TRPM3: variants seen among roughly 807,000 people sequenced by gnomAD.
TRPM3 encodes the protein transient receptor potential cation channel subfamily M member 3, also known as long transient receptor potential channel 3.
Under a neutral mutation model 181.2 loss-of-function variants are expected in TRPM3, and 77 were observed. The ratio of observed to expected loss-of-function variants is 0.42; its 90% CI spans 0.35 to 0.51. The LOEUF (loss-of-function observed/expected upper bound fraction) is 0.51. TRPM3 is among the 20% of genes least tolerant of loss of function. The pLI, the probability that TRPM3 is intolerant of heterozygous loss-of-function variation, is 0.01. For missense variants in TRPM3, 1,759 were observed against 2,196.7 expected (o/e 0.80, Z 3.98); for synonymous variants, 745 against 796.4 (o/e 0.94, Z 1.09).
chr9:71,134,550 CAAAA>C (rs71352343), intron 1 of TRPM3, among the ~76,000 whole-genome samples: 1 of 120,812 alleles, frequency 8.3e-6, no homozygotes. Flanking sequence ...TGCTCCATCT[CAAAA>C]AAAAAAAAAA....
intron 1 of TRPM3, among the ~76,000 whole-genome samples, chr9:71,385,819 A>G (rs1588775454): frequency 2.0e-5 from 3 of 152,034 alleles, no homozygotes; most frequent in East Asian, 3.9e-4. Context: ...ATTCTTCCAC[A>G]TCAGCCTCCC....
At chr9:71,182,277 T>C (rs72733811) in intron 1 of TRPM3, among the ~76,000 whole-genome samples, 13,485 of 152,128 alleles carry the variant, frequency 0.089, 680 homozygotes, top group Non-Finnish European at 0.11. Context: ...ATGACAAATA[T>C]TGTTAATCCA....
At chr9:70,776,121 G>C (rs1177341429) in intron 7 of TRPM3, 1 of 230,120 alleles carries the variant, frequency 4.3e-6, no homozygotes, top group Non-Finnish European at 8.3e-6. Flanking sequence ...AATAAAATTT[G>C]AGAATCATGG....
chr9:70,582,886 A>G (rs1304833960), intron 22 of TRPM3, among the ~76,000 whole-genome samples: 3 of 152,230 alleles, frequency 2.0e-5, no homozygotes, highest in Non-Finnish European at 4.4e-5. Flanking sequence ...TACTTCATAT[A>G]TAATCTTTCT....
upstream of TRPM3, among the ~76,000 whole-genome samples, chr9:71,126,321 C>T (rs964824850): frequency 2.3e-4 from 35 of 152,088 alleles, no homozygotes; most frequent in African/African-American, 6.3e-4. Flanking sequence ...GACAATGTGG[C>T]GCTTCCTCAA....
At chr9:70,990,933 T>A (rs553394531) in intron 1 of TRPM3, among the ~76,000 whole-genome samples, 2 of 152,314 alleles carry the variant, frequency 1.3e-5, no homozygotes, top group South Asian at 2.1e-4. Context: ...GGTACCTATT[T>A]ATAGACACAT....
intron 1 of TRPM3, among the ~76,000 whole-genome samples, chr9:71,420,737 A>AAGAGAGAG: frequency 2.0e-5 from 1 of 49,418 alleles, no homozygotes. Context: ...GAGAGAGAGA[A>AAGAGAGAG]AGAGAGAGAA....
chr9:70,798,309 C>A (rs958151417), intron 6 of TRPM3, among the ~76,000 whole-genome samples: 2 of 152,160 alleles, frequency 1.3e-5, no homozygotes, highest in African/African-American at 4.8e-5. Flanking sequence ...CCTGCCTTGA[C>A]CTCTCAAAGT....
chr9:71,401,197 C>CAAAAAAAAAAAAAAAAAAAAAA, intron 1 of TRPM3, among the ~76,000 whole-genome samples: 1 of 105,822 alleles, frequency 9.4e-6, no homozygotes, highest in Non-Finnish European at 1.8e-5. Context: ...GACACCATCG[C>CAAAAAAAAAAAAAAAAAAAAAA]AAAAAAAAAA....
At chr9:71,346,645 CT>C (rs2091311659) in intron 1 of TRPM3, among the ~76,000 whole-genome samples, 1 of 152,096 alleles carries the variant, frequency 6.6e-6, no homozygotes, top group Admixed American at 6.6e-5. Flanking sequence ...CAGGGAGTAG[CT>C]CACAGGAAAG....
Position 70,788,940 on chromosome 9 carries a change from C to T in TRPM3, c.974-4661G>A, listed in dbSNP as rs145318729. On this transcript the variant is annotated intron_variant, in intron 6 of 25. Coordinates refer to ENST00000677713, the MANE Select transcript of TRPM3 (RefSeq NM_001366145.2). ...GTAAATACAGATGAAGCTTCGCTCA[C>T]TTGCCAGCCGCTCACCTATGGCCTG... 1.3e-3 allele frequency among the ~76,000 whole-genome samples: 198 copies of T among 152,270 alleles called. 1 individual carries two copies. Among genetic ancestry groups the T allele is most frequent in the African/African-American group, 4.6e-3 (190 of 41,564 alleles).
chr9:70,834,144 A>G (rs569629136), intron 5 of TRPM3, among the ~76,000 whole-genome samples: 22 of 152,310 alleles, frequency 1.4e-4, no homozygotes, highest in Admixed American at 3.9e-4. Flanking sequence ...TCAGCTCGGC[A>G]ATTCAAACAA....
At position 70,803,664 on chromosome 9, in the gene TRPM3, A is replaced by G. The variant is rs534482343; in HGVS notation, c.974-19385T>C. 2.0e-4 allele frequency among the ~76,000 whole-genome samples: 31 copies of G among 151,778 alleles called. 1 individual carries two copies. Among genetic ancestry groups the G allele is most frequent in the Admixed American group, 2.0e-3 (30 of 15,260 alleles). Reference sequence around the variant, plus strand: ...ACGGGGTTTCACCGTGTTAGCCAGGATGGTCTCGATCTCCTGACCTCGTGA... The same window carrying G: ...ACGGGGTTTCACCGTGTTAGCCAGGGTGGTCTCGATCTCCTGACCTCGTGA... On this transcript the variant is annotated intron_variant, in intron 6 of 25. Coordinates refer to ENST00000677713, the MANE Select transcript of TRPM3 (RefSeq NM_001366145.2).
At chr9:70,779,466 C>A (rs1266193422) in intron 7 of TRPM3, among the ~76,000 whole-genome samples, 2 of 152,108 alleles carry the variant, frequency 1.3e-5, no homozygotes, top group African/African-American at 4.8e-5. Context: ...GCCTTTTTCA[C>A]ACTGACTTTT....
At chr9:71,000,278 A>T (rs2134225736) in intron 1 of TRPM3, among the ~76,000 whole-genome samples, 1 of 152,336 alleles carries the variant, frequency 6.6e-6, no homozygotes, top group African/African-American at 2.4e-5. Context: ...CAGAACCTTA[A>T]GATTCTATTT....
intron 1 of TRPM3, among the ~76,000 whole-genome samples, chr9:71,117,521 A>C (rs891784961): frequency 6.6e-6 from 1 of 152,122 alleles, no homozygotes; most frequent in East Asian, 1.9e-4. Flanking sequence ...GTTGCATAGC[A>C]GGCTTCGGAC....
intron 1 of TRPM3, among the ~76,000 whole-genome samples, chr9:71,033,343 A>G (rs2057779458): frequency 6.6e-6 from 1 of 152,226 alleles, no homozygotes. Flanking sequence ...AATGTCATAG[A>G]TAAGTTCTTG....
At chr9:70,775,027 A>G (rs1222091568) in intron 7 of TRPM3, 1 of 152,204 alleles carries the variant, frequency 6.6e-6, no homozygotes. Flanking sequence ...CGTGACCAAC[A>G]TCTGAGAATT....
chr9:71,235,803 A>T (rs2081321630), intron 1 of TRPM3, among the ~76,000 whole-genome samples: 1 of 152,200 alleles, frequency 6.6e-6, no homozygotes, highest in Non-Finnish European at 1.5e-5. Flanking sequence ...CAATATTGAA[A>T]ATCTCCAGTT....
Sources: allele counts gnomAD v4.1 joint callset (sites outside exome capture counted in the v4.1 genomes callset), GRCh38; gene constraint gnomAD v4.1.1; transcripts MANE v1.5; gene names NCBI Gene and HGNC (gene_info 2026-07-23, HGNC 2026-07-21).